The following PALLD variants were observed in gnomAD, a reference collection of about 807,000 sequenced individuals.
PALLD encodes the protein palladin.
Under a neutral mutation model 123.5 loss-of-function variants are expected in PALLD, and 61 were observed. The ratio of observed to expected loss-of-function variants is 0.49; its 90% CI spans 0.40 to 0.61. The LOEUF (loss-of-function observed/expected upper bound fraction) is 0.61. Among genes scored for constraint, PALLD ranks in the 20% least tolerant of loss-of-function variants. The pLI is 0.00. For missense variants in PALLD, 1,273 were observed against 1,377.0 expected (o/e 0.92, Z 1.20); for synonymous variants, 465 against 496.4 (o/e 0.94, Z 0.84).
At chr4:168,670,283 T>G (rs1186729786) in intron 3 of PALLD, among the ~76,000 whole-genome samples, 3 of 152,208 alleles carry the variant, frequency 2.0e-5, no homozygotes, top group Non-Finnish European at 4.4e-5. Flanking sequence ...AATGAAATCA[T>G]ATTAGATTTA....
intron 10 of PALLD, among the ~76,000 whole-genome samples, chr4:168,745,813 A>T (rs964392686): frequency 2.6e-5 from 4 of 152,222 alleles, no homozygotes; most frequent in African/African-American, 9.7e-5. Context: ...GATCTAAATG[A>T]TCCAAACTAA....
intron 2 of PALLD, among the ~76,000 whole-genome samples, chr4:168,656,914 A>G (rs1039690133): frequency 1.2e-4 from 18 of 152,210 alleles, no homozygotes; most frequent in African/African-American, 4.3e-4. Context: ...GGCCAACACT[A>G]ATTGGTTGGT....
intron 1 of PALLD, among the ~76,000 whole-genome samples, chr4:168,508,220 G>C (rs7691936): frequency 0.011 from 1,689 of 152,058 alleles, 34 homozygotes; most frequent in African/African-American, 0.038. Context: ...ACTATAAATT[G>C]TACGTATTGA....
chr4:168,817,793 G>A (rs888825506), intron 10 of PALLD, among the ~76,000 whole-genome samples: 26 of 152,152 alleles, frequency 1.7e-4, no homozygotes, highest in African/African-American at 6.3e-4. Flanking sequence ...TCTGCAACTA[G>A]GAATAAATAG....
intron 10 of PALLD, among the ~76,000 whole-genome samples, chr4:168,879,706 T>G (rs1377979191): frequency 1.3e-5 from 2 of 152,220 alleles, no homozygotes; most frequent in Admixed American, 1.3e-4. Flanking sequence ...GAAATGTGGC[T>G]TCTTCTCAAA....
intron 3 of PALLD, among the ~76,000 whole-genome samples, chr4:168,677,552 T>C (rs561953525): frequency 6.6e-6 from 1 of 152,302 alleles, no homozygotes; most frequent in East Asian, 1.9e-4. Context: ...AGGTGAAAAG[T>C]AACTGTTTTC....
intron 17 of PALLD, among the ~76,000 whole-genome samples, chr4:168,917,901 G>T (rs892198916): frequency 6.6e-6 from 1 of 151,858 alleles, no homozygotes; most frequent in African/African-American, 2.4e-5. Flanking sequence ...TTATATATCC[G>T]AGGAAAATGA....
intron 2 of PALLD, among the ~76,000 whole-genome samples, chr4:168,643,541 C>T (rs1190859994): frequency 2.0e-5 from 3 of 152,142 alleles, no homozygotes; most frequent in Non-Finnish European, 4.4e-5. Context: ...TCAAGGCACC[C>T]AACACATCCT....
intron 10 of PALLD, among the ~76,000 whole-genome samples, chr4:168,761,660 T>TTTTG (rs1732929659): frequency 8.0e-6 from 1 of 125,140 alleles, no homozygotes; most frequent in Admixed American, 8.0e-5. Context: ...TTTTTTTTTT[T>TTTTG]TTTTTTTTTT....
chr4:168,834,104 G>A (rs1271010861), intron 10 of PALLD, among the ~76,000 whole-genome samples: 2 of 151,828 alleles, frequency 1.3e-5, no homozygotes, highest in South Asian at 2.1e-4. Context: ...AAGAAACTGG[G>A]CATGTACAGC....
chr4:168,877,898 G>C, intron 10 of PALLD: 1 of 1,472,478 alleles, frequency 6.8e-7, no homozygotes, highest in South Asian at 1.3e-5. Flanking sequence ...GCCCATGAGC[G>C]CGCTGGCCTC....
At chr4:168,805,409 G>A (rs1740035096) in intron 10 of PALLD, among the ~76,000 whole-genome samples, 1 of 152,146 alleles carries the variant, frequency 6.6e-6, no homozygotes, top group Non-Finnish European at 1.5e-5. Flanking sequence ...TAAGAGAAGA[G>A]AGAAAGTAAA....
intron 10 of PALLD, among the ~76,000 whole-genome samples, chr4:168,754,393 T>A (rs377360006): frequency 6.6e-6 from 1 of 152,266 alleles, no homozygotes; most frequent in Non-Finnish European, 1.5e-5. Context: ...GATTGATGTT[T>A]ATTCAAATGA....
chr4:168,661,066 G>A (rs762066550), intron 2 of PALLD, among the ~76,000 whole-genome samples: 5 of 151,824 alleles, frequency 3.3e-5, no homozygotes, highest in South Asian at 4.2e-4. Context: ...CACCATGCCC[G>A]GCTAATTTTT....
intron 12 of PALLD, 63 bp downstream of exon 12, chr4:168,894,740 T>G (rs947361342): frequency 1.2e-5 from 19 of 1,574,994 alleles, no homozygotes; most frequent in Non-Finnish European, 1.5e-5. Flanking sequence ...CCATCTTCCT[T>G]ATGGATACTG....
chr4:168,687,600 A>G (rs1039698292), intron 6 of PALLD, among the ~76,000 whole-genome samples: 4 of 152,216 alleles, frequency 2.6e-5, no homozygotes, highest in African/African-American at 9.6e-5. Context: ...GAAGGAAAAG[A>G]GGAAGCAAAG....
At position 168,869,143 on chromosome 4, in the gene PALLD, T is replaced by TA. The variant is rs1337224262; in HGVS notation, c.1965-21778dup. On this transcript the variant is annotated intron_variant, in intron 10 of 21. Transcript: ENST00000505667. This position sits in a 1 kb window ranked among gnomAD's most constrained non-coding sequence, Gnocchi z 4.5. ...CCAGAAATATATAAGTACTGTTACT[T>TA]ATAAGAGCTCTGATACATATATATC... 3.3e-5 allele frequency among the ~76,000 whole-genome samples: 5 copies of TA among 152,158 alleles called. No homozygotes were observed. Among genetic ancestry groups the TA allele is most frequent in the African/African-American group, 9.7e-5 (4 of 41,448 alleles).
rs1415705409 is a variant in PALLD, at chr4:168,717,396, G to A, written c.1964+5473G>A. ...TTTGCTTTGTCACCTAGGCTGGAGA[G>A]CAATGGAGCAATGATGTGATCTTGG... is the stretch of plus-strand genomic sequence containing the variant. On this transcript the variant is annotated intron_variant, in intron 10 of 21. Coordinates refer to ENST00000505667, the MANE Select transcript of PALLD (RefSeq NM_001166108.2). Among the ~76,000 whole-genome samples the A allele has an allele frequency of 2.0e-5, 3 of 151,936 alleles. No individual in the cohort carries two copies. The East Asian group carries it at 5.8e-4, about 29-fold the overall frequency.
chr4:168,737,051 T>C (rs1001788951), intron 10 of PALLD, among the ~76,000 whole-genome samples: 1 of 152,222 alleles, frequency 6.6e-6, no homozygotes, highest in Non-Finnish European at 1.5e-5. Context: ...AATTGGAATA[T>C]GCAAATTGCT....
Sources: allele counts gnomAD v4.1 joint callset (sites outside exome capture counted in the v4.1 genomes callset), GRCh38; gene constraint gnomAD v4.1.1; non-coding constraint Gnocchi (gnomAD v3.1); transcripts MANE v1.5; gene names NCBI Gene and HGNC (gene_info 2026-07-23, HGNC 2026-07-21).